The following DISP1 variants were observed in gnomAD, a reference collection of about 807,000 sequenced individuals.
DISP1 encodes the protein dispatched RND transporter family member 1.
Under a neutral mutation model 37.3 loss-of-function variants are expected in DISP1, and 30 were observed. The observed-to-expected ratio is 0.80, with a 90% CI of 0.60 to 1.09. The LOEUF (loss-of-function observed/expected upper bound fraction) is 1.09, where lower values mean the gene tolerates loss of function less well. Among genes scored for constraint, DISP1 ranks in the 50% least tolerant of loss-of-function variants. The pLI is 0.00. For synonymous variants in DISP1, 634 were observed against 690.2 expected (o/e 0.92, Z 1.28); for missense variants, 1,598 against 1,879.5 (o/e 0.85, Z 2.77).
In DISP1 at chr1:222,978,106, G is replaced by C. The variant is rs1193010942; in HGVS notation, c.510-4974G>C. ...TCTAGTTCTAGATCCCTTCCACAAC[G>C]ACTTCCACAATGGTTGAACTAGTTT... On this transcript the variant is annotated intron_variant, in intron 3 of 8. Transcript: ENST00000675850. Among the ~76,000 whole-genome samples the C allele has an allele frequency of 2.6e-5, 4 of 152,196 alleles. No homozygotes were observed. In the East Asian group the frequency reaches 5.8e-4, roughly 22 times the overall value.
intron 1 of DISP1, among the ~76,000 whole-genome samples, chr1:222,924,885 G>T (rs1376236229): frequency 6.6e-6 from 1 of 152,108 alleles, no homozygotes; most frequent in East Asian, 1.9e-4. Flanking sequence ...AGTACCAAGT[G>T]TTGTGCCTCT....
intron 2 of DISP1, among the ~76,000 whole-genome samples, chr1:222,931,456 T>G (rs1364041163): frequency 6.6e-6 from 1 of 151,964 alleles, no homozygotes; most frequent in East Asian, 1.9e-4. Context: ...GATAGATTGC[T>G]CAGTTGTAAA....
At chr1:222,972,408 ACCAAATCAGTCCT>A (rs1355032515) in intron 3 of DISP1, among the ~76,000 whole-genome samples, 1 of 152,008 alleles carries the variant, frequency 6.6e-6, no homozygotes, top group East Asian at 1.9e-4. Flanking sequence ...ACACATTGCT[ACCAAATCAGTCCT>A]CCGAAAATAG....
At chr1:222,830,142 T>C (rs1665382389) in intron 1 of DISP1, among the ~76,000 whole-genome samples, 1 of 152,214 alleles carries the variant, frequency 6.6e-6, no homozygotes, top group African/African-American at 2.4e-5. Flanking sequence ...TCATGTGATT[T>C]GGTGTTTATC....
chr1:222,931,738 AGAG>A (rs1673414209), intron 2 of DISP1, among the ~76,000 whole-genome samples: 1 of 149,020 alleles, frequency 6.7e-6, no homozygotes, highest in Non-Finnish European at 1.5e-5. Flanking sequence ...CTCTTTTATT[AGAG>A]GATCTTGAGC....
chr1:222,933,699 A>G (rs1673540412), intron 2 of DISP1, among the ~76,000 whole-genome samples: 2 of 151,988 alleles, frequency 1.3e-5, no homozygotes, highest in South Asian at 2.1e-4. Context: ...AATGTTTACA[A>G]GTGATTTGGG....
chr1:222,922,930 A>G (rs1450909919), intron 1 of DISP1, among the ~76,000 whole-genome samples: 1 of 152,170 alleles, frequency 6.6e-6, no homozygotes, highest in East Asian at 1.9e-4. Context: ...TGGTAAATGA[A>G]GAAATGTAAA....
In DISP1 at chr1:222,983,080, A is replaced by G. The variant is rs770463735; in HGVS notation, c.510A>G (p.Arg170=). Residue 170 remains arginine (R), a splice_region_variant and synonymous_variant, in exon 4 of 9, where the codon AGA becomes AGG. Transcript: ENST00000675850. ...QPVQQHIANI[R]PSRPFKLPKS... ...TTTCCTTTGCTTTTTTTTTTTTCAGACCATCCAGACCTTTCAAGTTGCCAA... is the reference window on the plus strand; with the variant it reads ...TTTCCTTTGCTTTTTTTTTTTTCAGGCCATCCAGACCTTTCAAGTTGCCAA... 2 of 1,590,532 alleles carry G rather than the reference A, an allele frequency of 1.3e-6. No individual in the cohort carries two copies. The highest frequency in any genetic ancestry group is 1.4e-5 in the African/African-American group (1 of 72,860).
chr1:222,913,032 CA>C (rs1274446216), intron 1 of DISP1, among the ~76,000 whole-genome samples: 1 of 151,916 alleles, frequency 6.6e-6, no homozygotes, highest in Admixed American at 6.6e-5. Context: ...AAAATGAAAA[CA>C]AAAACAAGAA....
intron 1 of DISP1, among the ~76,000 whole-genome samples, chr1:222,921,185 T>C (rs2125441475): frequency 6.6e-6 from 1 of 152,286 alleles, no homozygotes; most frequent in African/African-American, 2.4e-5. Flanking sequence ...GGTGCATGCC[T>C]GTAGTCCCAG....
chr1:222,986,940 A>G (rs2102722385), intron 4 of DISP1, among the ~76,000 whole-genome samples: 1 of 152,234 alleles, frequency 6.6e-6, no homozygotes, highest in Non-Finnish European at 1.5e-5. Flanking sequence ...GACAAATATG[A>G]TTTGATATGC....
At chr1:222,948,308 T>C (rs535741839) in intron 3 of DISP1, among the ~76,000 whole-genome samples, 1 of 152,344 alleles carries the variant, frequency 6.6e-6, no homozygotes, top group East Asian at 1.9e-4. Context: ...GCAGGTATTA[T>C]ATTTGCAGAA....
intron 1 of DISP1, among the ~76,000 whole-genome samples, chr1:222,856,043 G>A (rs916860530): frequency 3.9e-5 from 6 of 152,186 alleles, no homozygotes; most frequent in Non-Finnish European, 8.8e-5. Flanking sequence ...GCTCCAGGGT[G>A]TGAATATTTT....
At chr1:222,887,612 C>T (rs1264767917) in intron 1 of DISP1, among the ~76,000 whole-genome samples, 2 of 134,434 alleles carry the variant, frequency 1.5e-5, no homozygotes, top group Non-Finnish European at 3.2e-5. Flanking sequence ...CATTCTCCTG[C>T]CTCAGCCTCC....
At chr1:222,820,149 G>A (rs1343981474) in intron 1 of DISP1, among the ~76,000 whole-genome samples, 2 of 152,180 alleles carry the variant, frequency 1.3e-5, no homozygotes, top group Non-Finnish European at 2.9e-5. Flanking sequence ...CTAATCAAGG[G>A]CAGATTTTCT....
chr1:222,948,858 G>A lies in DISP1; in HGVS notation c.509+5526G>A, dbSNP rs368754694. ...TGGGCCCACCTGTTTGTATTTGAAA[G>A]TGTTTTCTAAAGTTTTTATTTGTTT... On this transcript the variant is annotated intron_variant, in intron 3 of 8. Coordinates refer to ENST00000675850, the MANE Select transcript of DISP1 (RefSeq NM_001377229.1). Among the ~76,000 whole-genome samples the A allele has an allele frequency of 1.4e-4, 22 of 152,226 alleles. 2 individuals carry two copies. The East Asian group carries it at 1.9e-3, about 13-fold the overall frequency.
At chr1:223,000,055 A>T (rs1009974267) in intron 8 of DISP1, among the ~76,000 whole-genome samples, 4 of 152,236 alleles carry the variant, frequency 2.6e-5, no homozygotes, top group African/African-American at 9.6e-5. Flanking sequence ...TGAAAAGGTT[A>T]TTCAAGGACA....
chr1:222,994,738 T>C (rs1678934974), intron 7 of DISP1, 147 bp from the exon 8 acceptor site: 1 of 639,234 alleles, frequency 1.6e-6, no homozygotes. Context: ...CATTTTCTCC[T>C]GGAATTTATC....
At chr1:222,988,173 C>A (rs935085201) in intron 4 of DISP1, among the ~76,000 whole-genome samples, 1 of 152,112 alleles carries the variant, frequency 6.6e-6, no homozygotes, top group African/African-American at 2.4e-5. Flanking sequence ...GTTTTTAAAT[C>A]TAAAATTTGC....
Sources: gnomAD v4.1 joint callset for allele counts (sites outside exome capture counted in the v4.1 genomes callset) on GRCh38, gnomAD v4.1.1 for gene constraint, MANE v1.5 for transcripts, NCBI Gene and HGNC (gene_info 2026-07-23, HGNC 2026-07-21) for gene names.